The following ARID4A variants were observed in gnomAD, a reference collection of about 807,000 sequenced individuals.
ARID4A encodes AT-rich interactive domain-containing protein 4A.
A neutral mutation model predicts 148.6 loss-of-function variants in ARID4A; 39 were observed. The observed-to-expected ratio is 0.26, with a 90% CI of 0.20 to 0.34. The LOEUF (loss-of-function observed/expected upper bound fraction) is 0.34. Among genes scored for constraint, ARID4A ranks in the 10% least tolerant of loss-of-function variants. The pLI, the probability that ARID4A is intolerant of heterozygous loss-of-function variation, is 1.00. For missense variants in ARID4A, 1,265 were observed against 1,449.1 expected, an observed-to-expected ratio of 0.87 and a Z score of 2.06; for synonymous variants, 475 against 481.2, an observed-to-expected ratio of 0.99 and a Z score of 0.17.
intron 7 of ARID4A, among the ~76,000 whole-genome samples, chr14:58,323,125 G>A (rs1051990101): frequency 6.6e-6 from 1 of 150,598 alleles, no homozygotes; most frequent in Non-Finnish European, 1.5e-5. Context: ...AAAGTTATAT[G>A]TTATATTATC....
intron 18 of ARID4A, 22 bp downstream of exon 18, chr14:58,359,238 C>G: frequency 1.9e-6 from 3 of 1,557,642 alleles, no homozygotes; most frequent in Non-Finnish European, 2.6e-6. Context: ...GATTTATGTC[C>G]TTTATAATAT....
Position 58,340,550 on chromosome 14 carries a change from G to A in ARID4A, c.907-4145G>A, listed in dbSNP as rs146778818. Among the ~76,000 whole-genome samples, 301 of 152,174 alleles carry A rather than the reference G, an allele frequency of 2.0e-3. 1 individual carries two copies. The highest frequency in any genetic ancestry group is 5.7e-3 in the African/African-American group (236 of 41,526). Reference sequence around the variant, plus strand: ...ATTTTAGTAGAGATGGGGTTTTACCGTGTTGCCCAGGCTGGTCTTGAACTT... The same window carrying A: ...ATTTTAGTAGAGATGGGGTTTTACCATGTTGCCCAGGCTGGTCTTGAACTT... On this transcript the variant is annotated intron_variant, in intron 11 of 23. Coordinates refer to ENST00000355431, the MANE Select transcript of ARID4A (RefSeq NM_002892.4).
At chr14:58,344,627 A>G in intron 11 of ARID4A, 68 bp from the exon 12 acceptor site, 13 of 1,195,352 alleles carry the variant, frequency 1.1e-5, no homozygotes, top group Non-Finnish European at 1.4e-5. Flanking sequence ...TGGGTTCACA[A>G]AAATAAAAGA....
intron 17 of ARID4A, among the ~76,000 whole-genome samples, chr14:58,354,311 T>C (rs750577523): frequency 6.6e-6 from 1 of 152,324 alleles, no homozygotes; most frequent in Non-Finnish European, 1.5e-5. Context: ...TCAAGCACTG[T>C]AATAATTCTA....
In ARID4A at chr14:58,365,569, A is replaced by C; in HGVS notation, c.3263A>C (p.Lys1088Thr). ...AGTGGATTAATGGCAAAAAAGCAAA[A>C]GCGTACCCCAAAGCGAACAAGTGCT... The part of the protein sequence containing the change: ...GNSGLMAKKQ[K>T]RTPKRTSAAA... The change falls in exon 21 of 24, where the codon AAG becomes ACG. Residue 1088 changes from lysine to threonine, a missense_variant. By Grantham distance (78) the Lys-to-Thr change is moderately conservative. Transcript: ENST00000355431. 2 of 1,612,868 alleles carry C rather than the reference A, an allele frequency of 1.2e-6. No homozygotes were observed. The highest frequency in any genetic ancestry group is 1.7e-6 in the Non-Finnish European group (2 of 1,179,682).
intron 11 of ARID4A, among the ~76,000 whole-genome samples, chr14:58,335,502 G>A (rs551836669): frequency 6.6e-6 from 1 of 151,774 alleles, no homozygotes; most frequent in South Asian, 2.1e-4. Flanking sequence ...TAGTAGAGAC[G>A]GGGTTTCTCC....
intron 5 of ARID4A, among the ~76,000 whole-genome samples, chr14:58,306,584 A>G (rs995065156): frequency 6.6e-6 from 1 of 152,212 alleles, no homozygotes; most frequent in African/African-American, 2.4e-5. Context: ...TGCTCATATT[A>G]ACAGCTTTCA....
At chr14:58,342,193 T>G (rs1255292383) in intron 11 of ARID4A, among the ~76,000 whole-genome samples, 1 of 152,248 alleles carries the variant, frequency 6.6e-6, no homozygotes, top group Non-Finnish European at 1.5e-5. Context: ...GATAAGCAAT[T>G]TTAATTTTCA....
chr14:58,321,274 T>C (rs1338577521), intron 7 of ARID4A, among the ~76,000 whole-genome samples: 9 of 152,272 alleles, frequency 5.9e-5, no homozygotes, highest in Admixed American at 5.9e-4. Flanking sequence ...AGTACTATTA[T>C]GATAGCAAAA....
intron 8 of ARID4A, among the ~76,000 whole-genome samples, chr14:58,326,918 TTA>T (rs979191981): frequency 6.6e-6 from 1 of 152,204 alleles, no homozygotes; most frequent in Non-Finnish European, 1.5e-5. Flanking sequence ...GTGTATCTTT[TTA>T]TGTTTGCCCC....
At chr14:58,324,662 A>T (rs2033118684) in intron 8 of ARID4A, among the ~76,000 whole-genome samples, 1 of 152,122 alleles carries the variant, frequency 6.6e-6, no homozygotes, top group African/African-American at 2.4e-5. Context: ...TGCCTAATTG[A>T]TCAGTTTTGC....
chr14:58,365,467 C>CT (rs71107938), intron 20 of ARID4A, 51 bp from the exon 21 acceptor site: 72,868 of 346,178 alleles, frequency 0.21, 10,327 homozygotes, highest in African/African-American at 0.26. Flanking sequence ...TATACTTGCT[C>CT]TTTTTTTTTT....
Position 58,372,149 on chromosome 14 carries a change from T to A in ARID4A, c.*160T>A. 1.9e-6 allele frequency: 1 copy of A among 532,354 alleles called. No homozygotes were observed. Among genetic ancestry groups the A allele is most frequent in the Non-Finnish European group, 3.3e-6 (1 of 303,060 alleles). The allele number at this position is 532,354 out of a possible 1,614,324, so 33.0% of individuals were successfully genotyped here. ...GTATCTATTCCCCTCTCTCTTCTTT[T>A]TTCTTGTTGCAAAAAATAAGCTGAT... On this transcript the variant is annotated 3_prime_UTR_variant, in exon 24 of 24. Transcript: ENST00000355431.
intron 19 of ARID4A, among the ~76,000 whole-genome samples, chr14:58,363,241 T>G (rs968741105): frequency 1.3e-5 from 2 of 152,246 alleles, no homozygotes; most frequent in African/African-American, 4.8e-5. Flanking sequence ...TCTTGAGGAT[T>G]TGAGCACCAT....
chr14:58,323,394 T>G, intron 7 of ARID4A, 91 bp from the exon 8 acceptor site: 1 of 1,429,490 alleles, frequency 7.0e-7, no homozygotes. Context: ...TGTAGTCCAT[T>G]AGAAATTGAA....
At chr14:58,345,434 G>A (rs1219950878) in intron 12 of ARID4A, among the ~76,000 whole-genome samples, 1 of 152,138 alleles carries the variant, frequency 6.6e-6, no homozygotes, top group Non-Finnish European at 1.5e-5. Context: ...AAACTAGCCT[G>A]ATCCTTGTTC....
intron 5 of ARID4A, among the ~76,000 whole-genome samples, chr14:58,318,155 T>C (rs2032597263): frequency 6.6e-6 from 1 of 152,112 alleles, no homozygotes; most frequent in South Asian, 2.1e-4. Flanking sequence ...AAGTTAGGGG[T>C]ACTCTAATAT....
chr14:58,340,396 C>T (rs2034056276), intron 11 of ARID4A, among the ~76,000 whole-genome samples: 1 of 152,152 alleles, frequency 6.6e-6, no homozygotes, highest in Non-Finnish European at 1.5e-5. Context: ...GTTGCCCAGG[C>T]TGGAGTGCAG....
At position 58,373,125 on chromosome 14, in the gene ARID4A, T is replaced by G. The variant is rs562795320; in HGVS notation, c.*1136T>G. On this transcript the variant is annotated 3_prime_UTR_variant, in exon 24 of 24. Coordinates refer to ENST00000355431, the MANE Select transcript of ARID4A (RefSeq NM_002892.4). ...ACTTTGGCAGTCCTAGTATTTAAAC[T>G]GTTTTGAGGATCAAATTTTTGGTTG... 2 of 198,496 alleles carry G rather than the reference T, an allele frequency of 1.0e-5. No individual in the cohort carries two copies. Among genetic ancestry groups the G allele is most frequent in the African/African-American group, 4.6e-5 (2 of 43,464 alleles). The allele number at this position is 198,496 out of a possible 1,614,324, so 12.3% of individuals were successfully genotyped here.
Sources: gnomAD v4.1 joint callset for allele counts (sites outside exome capture counted in the v4.1 genomes callset) on GRCh38, gnomAD v4.1.1 for gene constraint, MANE v1.5 for transcripts, NCBI Gene and HGNC (gene_info 2026-07-23, HGNC 2026-07-21) for gene names.